SLC25A21: variants seen among roughly 807,000 people sequenced by gnomAD.
The protein encoded by SLC25A21 is mitochondrial 2-oxodicarboxylate carrier.
Under a neutral mutation model 43.8 loss-of-function variants are expected in SLC25A21, and 47 were observed. That is an observed-to-expected ratio of 1.07 (90% CI 0.85 to 1.37). The LOEUF is 1.37. SLC25A21 is among the 40% of genes most tolerant of loss of function. SLC25A21 has a pLI of 0.00. For synonymous variants in SLC25A21, 131 were observed against 121.3 expected (o/e 1.08, Z -0.52); for missense variants, 352 against 350.2 (o/e 1.00, Z -0.04).
intron 7 of SLC25A21, among the ~76,000 whole-genome samples, chr14:36,709,909 A>G (rs1409245043): frequency 1.3e-5 from 2 of 152,112 alleles, no homozygotes; most frequent in African/African-American, 2.4e-5. Flanking sequence ...TGTTACCCCA[A>G]CTGGTACATC....
At chr14:36,968,583 T>C (rs1959674083) in intron 1 of SLC25A21, among the ~76,000 whole-genome samples, 1 of 151,848 alleles carries the variant, frequency 6.6e-6, no homozygotes, top group Non-Finnish European at 1.5e-5. Context: ...GCACAGAGAG[T>C]GGCTTTGAAG....
chr14:36,954,399 A>G (rs910088913), intron 1 of SLC25A21, among the ~76,000 whole-genome samples: 4 of 152,200 alleles, frequency 2.6e-5, no homozygotes, highest in Middle Eastern at 3.4e-3. Context: ...GGAAGGCCTG[A>G]AATCTCTAGC....
chr14:37,037,406 T>C (rs984222127), intron 1 of SLC25A21, among the ~76,000 whole-genome samples: 2 of 152,176 alleles, frequency 1.3e-5, no homozygotes. Flanking sequence ...AAGCATTCTT[T>C]CAACTTGATT....
chr14:36,874,444 T>C (rs1890460191), intron 2 of SLC25A21, among the ~76,000 whole-genome samples: 1 of 152,236 alleles, frequency 6.6e-6, no homozygotes, highest in Non-Finnish European at 1.5e-5. Context: ...ATTTAATACA[T>C]TGCCCTGGCT....
At chr14:36,965,967 C>T (rs945006166) in intron 1 of SLC25A21, among the ~76,000 whole-genome samples, 4 of 152,274 alleles carry the variant, frequency 2.6e-5, no homozygotes, top group African/African-American at 7.2e-5. Context: ...ATATTACATG[C>T]ATGTACCAAA....
chr14:37,131,977 G>A lies in SLC25A21; in HGVS notation c.70+40304C>T, dbSNP rs114162028. 3.1e-3 allele frequency among the ~76,000 whole-genome samples: 472 copies of A among 152,272 alleles called. 1 individual carries two copies. The highest frequency in any genetic ancestry group is 0.011 in the African/African-American group (440 of 41,556). ...GCATGAGCCACTGCACCAGCCCACG[G>A]GGAGTAATTTATAAAGAAAAGAAAT... is the stretch of plus-strand genomic sequence containing the variant. On this transcript the variant is annotated intron_variant, in intron 1 of 9. Transcript: ENST00000331299.
At chr14:37,115,436 G>A (rs949144361) in intron 1 of SLC25A21, among the ~76,000 whole-genome samples, 6 of 152,212 alleles carry the variant, frequency 3.9e-5, no homozygotes, top group Middle Eastern at 3.4e-3. Context: ...ACATGAGGAC[G>A]GCCCCTGCAT....
At chr14:36,969,339 A>C (rs1959696876) in intron 1 of SLC25A21, among the ~76,000 whole-genome samples, 1 of 152,056 alleles carries the variant, frequency 6.6e-6, no homozygotes, top group South Asian at 2.1e-4. Flanking sequence ...CCTCCCATGG[A>C]CTGTGGAAGA....
At chr14:36,969,890 C>T (rs1322942532) in intron 1 of SLC25A21, among the ~76,000 whole-genome samples, 1 of 152,070 alleles carries the variant, frequency 6.6e-6, no homozygotes, top group East Asian at 1.9e-4. Context: ...GAGTCCTGCT[C>T]TCCCAGGTAA....
At chr14:36,747,733 T>C (rs1031165942) in intron 3 of SLC25A21, among the ~76,000 whole-genome samples, 3 of 152,188 alleles carry the variant, frequency 2.0e-5, no homozygotes, top group African/African-American at 4.8e-5. Flanking sequence ...TTGGTTATTA[T>C]AGTACATTCC....
At chr14:36,908,313 G>C (rs2138608044) in intron 1 of SLC25A21, among the ~76,000 whole-genome samples, 1 of 152,240 alleles carries the variant, frequency 6.6e-6, no homozygotes, top group Middle Eastern at 3.4e-3. Context: ...CTCTGCATGG[G>C]CCTCTGTACT....
intron 1 of SLC25A21, among the ~76,000 whole-genome samples, chr14:37,038,655 A>G (rs923401158): frequency 6.6e-6 from 1 of 152,196 alleles, no homozygotes; most frequent in African/African-American, 2.4e-5. Flanking sequence ...GTTGGGAGGT[A>G]AAGAGAGGGG....
chr14:37,128,538 CTGTGTGTGTGTGTGTGTG>C (rs367948974), intron 1 of SLC25A21, among the ~76,000 whole-genome samples: 3 of 122,704 alleles, frequency 2.4e-5, no homozygotes, highest in African/African-American at 9.5e-5. Context: ...CTCTCTCTCT[CTGTGTGTGTGTGTGTGTG>C]TGTGTGTGTG....
chr14:37,057,756 T>A lies in SLC25A21; in HGVS notation c.70+114525A>T, dbSNP rs544921517. Among the ~76,000 whole-genome samples, 8 of 152,350 alleles carry A rather than the reference T, an allele frequency of 5.3e-5. No individual in the cohort carries two copies. The East Asian group carries it at 1.5e-3, about 29-fold the overall frequency. On this transcript the variant is annotated intron_variant, in intron 1 of 9. Transcript: ENST00000331299. The stretch of plus-strand genomic sequence containing the variant: ...TTGGTAAAATATTTTATTTCCAGAT[T>A]TTTAGTTCTATCTTATCAATATGTG...
chr14:37,160,690 G>T (rs1963924485), intron 1 of SLC25A21, among the ~76,000 whole-genome samples: 1 of 152,012 alleles, frequency 6.6e-6, no homozygotes, highest in Admixed American at 6.6e-5. Flanking sequence ...AGCACTTTGG[G>T]AGGCTGAAGT....
intron 1 of SLC25A21, among the ~76,000 whole-genome samples, chr14:36,892,947 A>G (rs1344922490): frequency 2.6e-5 from 4 of 152,154 alleles, no homozygotes; most frequent in Admixed American, 6.6e-5. Context: ...CCAGTCTATC[A>G]TTGATGGGCA....
At chr14:37,023,334 T>C (rs185841330) in intron 1 of SLC25A21, among the ~76,000 whole-genome samples, 1 of 152,108 alleles carries the variant, frequency 6.6e-6, no homozygotes, top group Admixed American at 6.6e-5. Context: ...GAAAAAGCCT[T>C]AGGGCACAAT....
chr14:37,031,895 A>G (rs905672430), intron 1 of SLC25A21, among the ~76,000 whole-genome samples: 4 of 152,228 alleles, frequency 2.6e-5, no homozygotes, highest in African/African-American at 9.7e-5. Flanking sequence ...TAAAACAACC[A>G]CATTTTAAAA....
chr14:37,000,632 GCT>G (rs1482349977), intron 1 of SLC25A21, among the ~76,000 whole-genome samples: 1 of 152,066 alleles, frequency 6.6e-6, no homozygotes, highest in Non-Finnish European at 1.5e-5. Context: ...ATGTGGTTTG[GCT>G]CTGTGTCCCA....
Sources: gnomAD v4.1 joint callset for allele counts (sites outside exome capture counted in the v4.1 genomes callset) on GRCh38, gnomAD v4.1.1 for gene constraint, MANE v1.5 for transcripts, NCBI Gene and HGNC (gene_info 2026-07-23, HGNC 2026-07-21) for gene names.